TRAPPC13: variants seen among roughly 807,000 people sequenced by gnomAD.
TRAPPC13 encodes the protein trafficking protein particle complex subunit 13.
A neutral mutation model predicts 54.0 loss-of-function variants in TRAPPC13; 39 were observed. That is an observed-to-expected ratio of 0.72 (90% CI 0.56 to 0.94). The LOEUF is 0.94. TRAPPC13 is among the 40% of genes least tolerant of loss of function. The pLI is 0.00. For missense variants in TRAPPC13, 386 were observed against 488.1 expected, an observed-to-expected ratio of 0.79 and a Z score of 1.97; for synonymous variants, 148 against 167.7, an observed-to-expected ratio of 0.88 and a Z score of 0.91.
chr5:65,658,970 T>C (rs1321698166), intron 9 of TRAPPC13, among the ~76,000 whole-genome samples: 1 of 152,158 alleles, frequency 6.6e-6, no homozygotes, highest in Non-Finnish European at 1.5e-5. Flanking sequence ...TCTGCCCACC[T>C]TATCCTCCCA....
chr5:65,636,289 G>A (rs528576656), intron 3 of TRAPPC13, among the ~76,000 whole-genome samples: 5 of 151,780 alleles, frequency 3.3e-5, no homozygotes, highest in Non-Finnish European at 4.4e-5. Context: ...GATTACAGGC[G>A]TGCGCACCGC....
intron 5 of TRAPPC13, among the ~76,000 whole-genome samples, chr5:65,648,622 A>G (rs1440216691): frequency 6.6e-6 from 1 of 152,162 alleles, no homozygotes; most frequent in African/African-American, 2.4e-5. Context: ...TCTTACTGTG[A>G]GCACTTAGAA....
At position 65,628,583 on chromosome 5, in the gene TRAPPC13, T is replaced by C. The variant is rs1452533306; in HGVS notation, c.46+3477T>C. Among the ~76,000 whole-genome samples the C allele has an allele frequency of 3.3e-5, 5 of 151,698 alleles. No individual in the cohort carries two copies. The East Asian group carries it at 9.7e-4, about 29-fold the overall frequency. On this transcript the variant is annotated intron_variant, in intron 1 of 12. Transcript: ENST00000399438. Reference sequence around the variant, plus strand: ...ACCTCCCGGGTTCAAGCGATTCTCCTCCCTCAGCCTCCTGAGTAGCTGGGA... The same window carrying C: ...ACCTCCCGGGTTCAAGCGATTCTCCCCCCTCAGCCTCCTGAGTAGCTGGGA...
In TRAPPC13 at chr5:65,664,749, A is replaced by G. The variant is rs1756977190; in HGVS notation, c.*138A>G. On this transcript the variant is annotated 3_prime_UTR_variant, in exon 13 of 13. Coordinates refer to ENST00000399438, the MANE Select transcript of TRAPPC13 (RefSeq NM_024941.4). ...TCCTGTAAAATGGTTAAAATATTAA[A>G]TATTTGTTTTGAAGAGATCTGATTT... 1.5e-6 allele frequency: 1 copy of G among 670,554 alleles called. No individual in the cohort carries two copies. The highest frequency in any genetic ancestry group is 2.6e-6 in the Non-Finnish European group (1 of 386,648). 41.5% of individuals were successfully genotyped at this position (670,554 alleles called of 1,614,324 possible).
intron 6 of TRAPPC13, 32 bp from the exon 7 acceptor site, chr5:65,652,469 A>C (rs975029172): frequency 6.6e-7 from 1 of 1,515,346 alleles, no homozygotes; most frequent in African/African-American, 1.4e-5. Context: ...ACATGATAAC[A>C]ATCTCCTGAT....
intron 1 of TRAPPC13, 92 bp downstream of exon 1, chr5:65,625,198 A>C (rs1755152396): frequency 1.9e-6 from 2 of 1,073,934 alleles, no homozygotes; most frequent in South Asian, 2.5e-5. Flanking sequence ...TCCTTCTTAA[A>C]CACTCAGTGC....
At chr5:65,645,919 C>G (rs1288331313) in intron 4 of TRAPPC13, among the ~76,000 whole-genome samples, 2 of 142,456 alleles carry the variant, frequency 1.4e-5, no homozygotes, top group Non-Finnish European at 1.6e-5. Flanking sequence ...CTTTGCTTTC[C>G]CTCAATTTTT....
At chr5:65,656,512 C>T (rs1419830357) in intron 8 of TRAPPC13, among the ~76,000 whole-genome samples, 3 of 151,880 alleles carry the variant, frequency 2.0e-5, no homozygotes, top group Non-Finnish European at 4.4e-5. Context: ...GAACACATGT[C>T]CCAAAAACTA....
chr5:65,645,506 C>T (rs1328942815), intron 4 of TRAPPC13, among the ~76,000 whole-genome samples: 1 of 151,860 alleles, frequency 6.6e-6, no homozygotes, highest in East Asian at 1.9e-4. Context: ...TTAGAATTAA[C>T]TGCAAAACTG....
intron 11 of TRAPPC13, chr5:65,663,094 C>T (rs565334808): frequency 4.6e-5 from 7 of 152,064 alleles, no homozygotes; most frequent in African/African-American, 1.7e-4. Context: ...CAATACAGGG[C>T]AAAGACCCTG....
intron 1 of TRAPPC13, among the ~76,000 whole-genome samples, chr5:65,634,546 G>A (rs560404921): frequency 3.3e-5 from 5 of 151,744 alleles, no homozygotes; most frequent in Non-Finnish European, 5.9e-5. Flanking sequence ...TTATATAAAC[G>A]TATATGTTTT....
rs1454714889 is a variant in TRAPPC13, at chr5:65,625,079, A to C, written c.19A>C (p.Lys7Gln). MEVNPP[K>Q]QEHLLALKVM... ...GGTCAAAATGGAAGTGAATCCCCCT[A>C]AACAGGAGCACCTGCTGGCGCTAAA... Residue 7 changes from lysine to glutamine, a missense_variant, in exon 1 of 13, where the codon AAA becomes CAA. By Grantham distance (53) the Lys-to-Gln change is moderately conservative. Transcript: ENST00000399438. 1 of 1,613,768 alleles carries C rather than the reference A, an allele frequency of 6.2e-7. No homozygotes were observed. The highest frequency in any genetic ancestry group is 1.7e-5 in the Admixed American group (1 of 60,010).
Position 65,664,563 on chromosome 5 carries a change from C to T in TRAPPC13, c.1206C>T (p.Asp402=), listed in dbSNP as rs1282548581. The stretch of plus-strand genomic sequence containing the variant: ...TAAAGAGAACATATGAATATGATGA[C>T]ATCGCACAAGTCTGTGTGGTATCTT... ...TFLKRTYEYD[D]IAQVCVVSSA... is the part of the protein sequence containing the mutation. The change falls in exon 13 of 13, where the codon GAC becomes GAT. Residue 402 remains aspartate (D), a synonymous_variant. Coordinates refer to ENST00000399438, the MANE Select transcript of TRAPPC13 (RefSeq NM_024941.4). 1 of 1,612,652 alleles carries T rather than the reference C, an allele frequency of 6.2e-7. No homozygotes were observed. Among genetic ancestry groups the T allele is most frequent in the African/African-American group, 1.3e-5 (1 of 74,962 alleles).
At chr5:65,629,391 T>G (rs1176700071) in intron 1 of TRAPPC13, 3 of 1,184,286 alleles carry the variant, frequency 2.5e-6, no homozygotes, top group African/African-American at 1.6e-5. Flanking sequence ...TTGTTTTTTG[T>G]TTTTCCTTTT....
chr5:65,664,339 G>T lies in TRAPPC13; in HGVS notation c.1101G>T (p.Ser367=). 6.2e-7 allele frequency: 1 copy of T among 1,613,902 alleles called. No individual in the cohort carries two copies. The highest frequency in any genetic ancestry group is 1.1e-5 in the South Asian group (1 of 91,074). Residue 367 remains serine, a synonymous_variant, in exon 12 of 13, where the codon TCG becomes TCT. Coordinates refer to ENST00000399438, the MANE Select transcript of TRAPPC13 (RefSeq NM_024941.4). ...RQLGKLHPSS[S]LCLALTLLSS... ...TGGGAAAGCTGCATCCAAGTTCTTCGCTCTGTCTTGCCCTTACTCTGCTTT... is the reference window on the plus strand; with the variant it reads ...TGGGAAAGCTGCATCCAAGTTCTTCTCTCTGTCTTGCCCTTACTCTGCTTT...
rs1019984332 is a variant in TRAPPC13 at position 65,665,464 on chromosome 5, A to G, written c.*853A>G. 5 of 152,292 alleles carry G rather than the reference A, an allele frequency of 3.3e-5. No individual in the cohort carries two copies. The highest frequency in any genetic ancestry group is 1.2e-4 in the African/African-American group (5 of 41,558). 9.4% of individuals were successfully genotyped at this position (152,292 alleles called of 1,614,324 possible). ...TGGTTTGTGTCTGTATTTGTATATT[A>G]TACCTACAAACATACATATCTTTCA... On this transcript the variant is annotated 3_prime_UTR_variant, in exon 13 of 13. Transcript: ENST00000399438.
intron 8 of TRAPPC13, among the ~76,000 whole-genome samples, chr5:65,656,338 A>G (rs1756650852): frequency 6.6e-6 from 1 of 152,088 alleles, no homozygotes; most frequent in Non-Finnish European, 1.5e-5. Context: ...AAATTTATGC[A>G]GAAAATTGCA....
intron 1 of TRAPPC13, chr5:65,630,192 C>G: frequency 6.5e-7 from 1 of 1,535,930 alleles, no homozygotes; most frequent in Non-Finnish European, 8.7e-7. Context: ...TCTTGTAATG[C>G]TACAATTCAG....
In TRAPPC13 at chr5:65,664,484, A is replaced by ATC. The variant is rs3830443; in HGVS notation, c.1147-7_1147-6dup. 4.9e-3 allele frequency: 6,652 copies of ATC among 1,351,204 alleles called. No individual in the cohort carries two copies. The highest frequency in any genetic ancestry group is 7.5e-3 in the South Asian group (536 of 71,210). The allele number at this position is 1,351,204 out of a possible 1,614,324, so 83.7% of individuals were successfully genotyped here. A position where few individuals can be genotyped will look rare whatever the true frequency, so the allele number is the denominator to read the frequency against. ...TCTGAATGAATGAAAACTTAGACTCATCTCTCTCTCTCTCAATAGAGCATC... is the reference window on the plus strand; with the variant it reads ...TCTGAATGAATGAAAACTTAGACTCATCTCTCTCTCTCTCTCAATAGAGCATC... On this transcript the variant is annotated intron_variant, in intron 12 of 12. Coordinates refer to ENST00000399438, the MANE Select transcript of TRAPPC13 (RefSeq NM_024941.4).
Sources: allele counts gnomAD v4.1 joint callset (sites outside exome capture counted in the v4.1 genomes callset), GRCh38; gene constraint gnomAD v4.1.1; transcripts MANE v1.5; gene names NCBI Gene and HGNC (gene_info 2026-07-23, HGNC 2026-07-21).